XPO1: variants seen among roughly 807,000 people sequenced by gnomAD.
XPO1 encodes exportin-1.
XPO1 carries 5 observed loss-of-function variants against 133.3 expected under a neutral mutation model. That is an observed-to-expected ratio of 0.04 (90% CI 0.02 to 0.08). XPO1 has a LOEUF of 0.08. Among genes scored for constraint, XPO1 ranks in the 10% least tolerant of loss-of-function variants. XPO1 has a pLI of 1.00. For synonymous variants in XPO1, 419 were observed against 408.2 expected (o/e 1.03, Z -0.32); for missense variants, 506 against 1,267.5 (o/e 0.40, Z 9.12).
rs533319121 is a variant in XPO1 at position 61,502,234 on chromosome 2, A to G, written c.363+15T>C. On this transcript the variant is annotated intron_variant, in intron 5 of 24. Coordinates refer to ENST00000401558, the MANE Select transcript of XPO1 (RefSeq NM_003400.4). ...ATTTTATGCTCTCCCAATAAGCTCC[A>G]AAATAAACTCTTACCTCTACACAAG... is the stretch of plus-strand genomic sequence containing the variant. 6.2e-7 allele frequency: 1 copy of G among 1,608,592 alleles called. No individual in the cohort carries two copies. The highest frequency in any genetic ancestry group is 1.3e-5 in the African/African-American group (1 of 74,670).
intron 2 of XPO1, among the ~76,000 whole-genome samples, 154 bp from the exon 3 acceptor site, chr2:61,526,675 T>C (rs1026280642): frequency 9.2e-5 from 14 of 151,422 alleles, no homozygotes; most frequent in African/African-American, 2.7e-4. Flanking sequence ...CTTACAGAAA[T>C]AGAAATAAAA....
chr2:61,533,382 C>T (rs1281113831), intron 2 of XPO1, among the ~76,000 whole-genome samples: 3 of 152,136 alleles, frequency 2.0e-5, no homozygotes, highest in Non-Finnish European at 4.4e-5. Context: ...ATTCAACTAA[C>T]ATAAAAATAC....
At chr2:61,494,185 T>G (rs1019350493) in intron 11 of XPO1, 94 bp from the exon 12 acceptor site, 1 of 1,168,984 alleles carries the variant, frequency 8.6e-7, no homozygotes, top group Admixed American at 2.6e-5. Flanking sequence ...AAATAAAAAT[T>G]CATGTTTTAT....
intron 21 of XPO1, chr2:61,483,307 G>C: frequency 2.1e-6 from 1 of 485,414 alleles, no homozygotes; most frequent in South Asian, 2.9e-5. Context: ...TTGTGTGAGA[G>C]CTAAACTGTG....
chr2:61,487,865 G>A (rs1355286932), intron 19 of XPO1, among the ~76,000 whole-genome samples: 1 of 152,140 alleles, frequency 6.6e-6, no homozygotes, highest in Non-Finnish European at 1.5e-5. Context: ...TGCAAAAACT[G>A]CACCGGTACT....
chr2:61,527,523 A>C (rs921454865), intron 2 of XPO1, among the ~76,000 whole-genome samples: 22 of 152,250 alleles, frequency 1.4e-4, no homozygotes, highest in African/African-American at 5.3e-4. Context: ...TACTTAGGTA[A>C]GTTATGTAAT....
At chr2:61,522,773 T>C in intron 3 of XPO1, 90 bp from the exon 4 acceptor site, 1 of 920,342 alleles carries the variant, frequency 1.1e-6, no homozygotes, top group Non-Finnish European at 1.7e-6. Flanking sequence ...TTCACACATT[T>C]ACATCTAAAG....
intron 19 of XPO1, among the ~76,000 whole-genome samples, chr2:61,486,907 C>G (rs768813993): frequency 5.3e-5 from 8 of 152,152 alleles, no homozygotes; most frequent in South Asian, 4.1e-4. Flanking sequence ...GTTGGGATTA[C>G]AGGTGCATGC....
At chr2:61,481,103 C>G (rs1696327474) in intron 24 of XPO1, 82 bp downstream of exon 24, 1 of 821,516 alleles carries the variant, frequency 1.2e-6, no homozygotes, top group Admixed American at 3.2e-5. Context: ...CATGACAAAT[C>G]AAGTGATAAA....
At position 61,522,703 on chromosome 2, in the gene XPO1, A is replaced by G. The variant is rs2104752244; in HGVS notation, c.229-20T>C. On this transcript the variant is annotated intron_variant, in intron 3 of 24. Coordinates refer to ENST00000401558, the MANE Select transcript of XPO1 (RefSeq NM_003400.4). ...ATAGTACTGAAAATTGGAGAATAGA[A>G]GCATGTGAATATATTGCTTATAGGA... is the stretch of plus-strand genomic sequence containing the variant. The G allele has an allele frequency of 6.3e-7, 1 of 1,579,052 alleles. No individual in the cohort carries two copies. Among genetic ancestry groups the G allele is most frequent in the Non-Finnish European group, 8.7e-7 (1 of 1,148,804 alleles).
At position 61,478,972 on chromosome 2, in the gene XPO1, A is replaced by G. The variant is rs1696190965; in HGVS notation, c.3070-6T>C. The G allele has an allele frequency of 6.2e-7, 1 of 1,609,972 alleles. No individual in the cohort carries two copies. Among genetic ancestry groups the G allele is most frequent in the Non-Finnish European group, 8.5e-7 (1 of 1,178,690 alleles). On this transcript the variant is annotated splice_region_variant and splice_polypyrimidine_tract_variant and intron_variant, in intron 24 of 24. Transcript: ENST00000401558. ...GTGTCTTCACCTGCAAATTCCTGTG[A>G]AAACAGATAGTTGAAATGTCAACGC...
chr2:61,526,285 A>G (rs1698901460), intron 3 of XPO1, 135 bp downstream of exon 3: 1 of 1,465,682 alleles, frequency 6.8e-7, no homozygotes, highest in African/African-American at 1.4e-5. Context: ...TATGCTTAAG[A>G]CTAAATTTTG....
At chr2:61,535,683 A>G (rs1699328915) in intron 1 of XPO1, among the ~76,000 whole-genome samples, 1 of 152,238 alleles carries the variant, frequency 6.6e-6, no homozygotes, top group Non-Finnish European at 1.5e-5. Flanking sequence ...AAAACTCAAG[A>G]AATTAGGAGT....
At chr2:61,494,338 G>C in intron 11 of XPO1, 1 of 363,332 alleles carries the variant, frequency 2.8e-6, no homozygotes, top group South Asian at 3.1e-5. Context: ...TCTCCTAATG[G>C]AACGACATTT....
chr2:61,484,351 C>A (rs746116549), intron 20 of XPO1: 1 of 413,228 alleles, frequency 2.4e-6, no homozygotes, highest in Non-Finnish European at 4.3e-6. Context: ...ATAGAGAACT[C>A]ATCTAAACCA....
In XPO1 at chr2:61,510,729, G is replaced by A. The variant is rs947105276; in HGVS notation, c.302-8419C>T. On this transcript the variant is annotated intron_variant, in intron 4 of 24. Coordinates refer to ENST00000401558, the MANE Select transcript of XPO1 (RefSeq NM_003400.4). ...GAGGCAGAGGATCGCTTGAGCCCAG[G>A]AGTTCAGGACCAGCCTAGGCAACAT... 5.9e-5 allele frequency among the ~76,000 whole-genome samples: 9 copies of A among 152,172 alleles called. 1 individual carries two copies. In the South Asian group the frequency reaches 1.9e-3, roughly 32 times the overall value.
At chr2:61,519,477 C>G (rs1698574863) in intron 4 of XPO1, among the ~76,000 whole-genome samples, 1 of 150,416 alleles carries the variant, frequency 6.6e-6, no homozygotes. Flanking sequence ...GCGGGAGGAC[C>G]AAAAGGTCAG....
chr2:61,510,260 G>A (rs144090379), intron 4 of XPO1, among the ~76,000 whole-genome samples: 41 of 152,286 alleles, frequency 2.7e-4, no homozygotes, highest in South Asian at 1.4e-3. Context: ...CAGCCTGGGC[G>A]ACAATGTGAG....
chr2:61,538,270 C>T lies in XPO1; in HGVS notation c.-715G>A, dbSNP rs565941202. The stretch of plus-strand genomic sequence containing the variant: ...CTCCCCCTCCTCCTAGTGCCTCAAA[C>T]TCGGAACCGGTTGAAACCGGTTCAG... On this transcript the variant is annotated 5_prime_UTR_variant, in exon 1 of 25. Transcript: ENST00000401558. The T allele has an allele frequency of 6.3e-6, 1 of 158,610 alleles. No homozygotes were observed. The highest frequency in any genetic ancestry group is 2.0e-4 in the South Asian group (1 of 4,920). 9.8% of individuals were successfully genotyped at this position (158,610 alleles called of 1,614,324 possible).
Sources: allele counts gnomAD v4.1 joint callset (sites outside exome capture counted in the v4.1 genomes callset), GRCh38; gene constraint gnomAD v4.1.1; transcripts MANE v1.5; gene names NCBI Gene and HGNC (gene_info 2026-07-23, HGNC 2026-07-21).